Variants in PBX1 observed in about 807,000 individuals in gnomAD.
PBX1 encodes the protein PBX homeobox 1.
In PBX1, 6 loss-of-function variants were observed where a neutral mutation model predicts 53.4. The ratio of observed to expected loss-of-function variants is 0.11; its 90% CI spans 0.06 to 0.22. The LOEUF (loss-of-function observed/expected upper bound fraction) is 0.22. Ranked by LOEUF, PBX1 falls within the 10% of genes least tolerant of loss-of-function variation. The pLI, the probability that PBX1 is intolerant of heterozygous loss-of-function variation, is 1.00. For missense variants in PBX1, 251 were observed against 551.4 expected (o/e 0.46, Z 5.46); for synonymous variants, 204 against 212.3 (o/e 0.96, Z 0.34).
At chr1:164,711,978 C>T (rs1663811587) in intron 2 of PBX1, among the ~76,000 whole-genome samples, 1 of 151,934 alleles carries the variant, frequency 6.6e-6, no homozygotes, top group Non-Finnish European at 1.5e-5. Context: ...GTAGTGGTTC[C>T]CCTTTGCTGG....
intron 2 of PBX1, among the ~76,000 whole-genome samples, chr1:164,756,867 A>G (rs1005138376): frequency 2.6e-5 from 4 of 152,244 alleles, no homozygotes; most frequent in African/African-American, 7.2e-5. Flanking sequence ...CAAATATACA[A>G]TTCAAACAGT....
intron 2 of PBX1, among the ~76,000 whole-genome samples, chr1:164,705,821 TG>T (rs1473088927): frequency 6.6e-6 from 1 of 152,246 alleles, no homozygotes; most frequent in Non-Finnish European, 1.5e-5. Flanking sequence ...AAGGTTTTCA[TG>T]GTAGATACAT....
chr1:164,793,081 G>T lies in PBX1; in HGVS notation c.510+343G>T, dbSNP rs528328121. ...GTGCAGGCCTGGCTCTCATCCGGGC[G>T]CTATAGGTGATCAGCAGAGTCACCA... On this transcript the variant is annotated intron_variant, in intron 3 of 8. Transcript: ENST00000420696. Among the ~76,000 whole-genome samples, 5 of 152,316 alleles carry T rather than the reference G, an allele frequency of 3.3e-5. No homozygotes were observed. In the East Asian group the frequency reaches 9.6e-4, roughly 29 times the overall value.
chr1:164,693,332 G>C lies in PBX1; in HGVS notation c.266-99162G>C, dbSNP rs116793353. 9.1e-3 allele frequency among the ~76,000 whole-genome samples: 1,384 copies of C among 152,352 alleles called. 25 individuals carry two copies. The highest frequency in any genetic ancestry group is 0.032 in the African/African-American group (1,314 of 41,580). ...AGGGTGCCTGCTGAGGAATGAGGGA[G>C]CTATTACAATTATTATAATACCTGG... is the stretch of plus-strand genomic sequence containing the variant. On this transcript the variant is annotated intron_variant, in intron 2 of 8. Coordinates refer to ENST00000420696, the MANE Select transcript of PBX1 (RefSeq NM_002585.4).
At chr1:164,856,269 C>T (rs1296493821), downstream of PBX1, among the ~76,000 whole-genome samples, 1 of 152,138 alleles carries the variant, frequency 6.6e-6, no homozygotes, top group Non-Finnish European at 1.5e-5. Context: ...CAGAAACATT[C>T]CTTTCTGCCC....
chr1:164,603,687 C>CA (rs1656332357), intron 2 of PBX1, among the ~76,000 whole-genome samples: 2 of 152,224 alleles, frequency 1.3e-5, no homozygotes, highest in Admixed American at 1.3e-4. Context: ...CATTTCTACT[C>CA]AAATAGAATG....
intron 2 of PBX1, among the ~76,000 whole-genome samples, chr1:164,674,032 G>C (rs1017995466): frequency 1.3e-5 from 2 of 152,196 alleles, no homozygotes; most frequent in Non-Finnish European, 2.9e-5. Flanking sequence ...CAAGACGCCA[G>C]TACATACAGA....
At chr1:164,775,759 C>T (rs1253162744) in intron 2 of PBX1, among the ~76,000 whole-genome samples, 1 of 152,184 alleles carries the variant, frequency 6.6e-6, no homozygotes, top group Non-Finnish European at 1.5e-5. Flanking sequence ...TTAAGCCCTA[C>T]AAATGGCTAT....
At chr1:164,800,717 C>A (rs1334869424) in intron 4 of PBX1, among the ~76,000 whole-genome samples, 7 of 152,172 alleles carry the variant, frequency 4.6e-5, no homozygotes. Flanking sequence ...ATTCATCTAG[C>A]AAATACATTT....
At chr1:164,589,930 C>T (rs116802938) in intron 2 of PBX1, among the ~76,000 whole-genome samples, 2,087 of 152,244 alleles carry the variant, frequency 0.014, 18 homozygotes, top group Middle Eastern at 0.024. Flanking sequence ...TAAGAAAGGC[C>T]AGGTGCGGTG....
intron 2 of PBX1, among the ~76,000 whole-genome samples, chr1:164,782,076 T>C (rs1288393709): frequency 6.6e-6 from 1 of 152,224 alleles, no homozygotes; most frequent in Non-Finnish European, 1.5e-5. Flanking sequence ...AATACAAGTT[T>C]ATTTTTTCCC....
chr1:164,833,411 G>T (rs937488805), intron 8 of PBX1, among the ~76,000 whole-genome samples: 1 of 152,108 alleles, frequency 6.6e-6, no homozygotes, highest in African/African-American at 2.4e-5. Flanking sequence ...ATTGACCTTT[G>T]TTAGGGGCAA....
At chr1:164,780,684 A>G (rs77483613) in intron 2 of PBX1, among the ~76,000 whole-genome samples, 6,040 of 152,246 alleles carry the variant, frequency 0.04, 153 homozygotes, top group East Asian at 0.099. Context: ...GAAATGTCAC[A>G]CATCCCCGAA....
chr1:164,747,319 GTA>G (rs374220820), intron 2 of PBX1, among the ~76,000 whole-genome samples: 28 of 150,086 alleles, frequency 1.9e-4, no homozygotes, highest in Admixed American at 5.3e-4. Flanking sequence ...TATGAATCAT[GTA>G]TATATATATA....
Position 164,792,604 on chromosome 1 carries a change from TCGGCGG to T in PBX1, c.378_383del (p.Ala134_Ala135del). 6.2e-7 allele frequency: 1 copy of T among 1,612,628 alleles called. No homozygotes were observed. Among genetic ancestry groups the T allele is most frequent in the Non-Finnish European group, 8.5e-7 (1 of 1,179,646 alleles). On this transcript the variant is annotated inframe_deletion, in exon 3 of 9. Transcript: ENST00000420696. ...GGCGGGGCCTGAGAAGGGCGGAGGG[TCGGCGG>T]CAGCGGCGGCAGCGGCGGCGGCTTC... is the stretch of plus-strand genomic sequence containing the variant.
chr1:164,659,136 CAG>C (rs1660340758), intron 2 of PBX1, among the ~76,000 whole-genome samples: 1 of 152,182 alleles, frequency 6.6e-6, no homozygotes, highest in Non-Finnish European at 1.5e-5. Context: ...CACATGGACA[CAG>C]AGAGGGAATA....
At chr1:164,761,973 G>C (rs1356545612) in intron 2 of PBX1, among the ~76,000 whole-genome samples, 2 of 152,072 alleles carry the variant, frequency 1.3e-5, no homozygotes, top group Non-Finnish European at 2.9e-5. Context: ...TATTCTCTAA[G>C]ATTAATTGAT....
downstream of PBX1, among the ~76,000 whole-genome samples, chr1:164,855,475 A>AT (rs71767506): frequency 1.8e-4 from 28 of 151,810 alleles, no homozygotes; most frequent in African/African-American, 6.3e-4. Context: ...CTAGTATCCC[A>AT]TTTTTTTTCT....
chr1:164,806,826 G>T (rs1359338339), intron 4 of PBX1, among the ~76,000 whole-genome samples: 2 of 152,164 alleles, frequency 1.3e-5, no homozygotes, highest in Non-Finnish European at 2.9e-5. Context: ...CCACGTGTTG[G>T]GCGCTGTGCT....
Sources: gnomAD v4.1 joint callset for allele counts (sites outside exome capture counted in the v4.1 genomes callset) on GRCh38, gnomAD v4.1.1 for gene constraint, MANE v1.5 for transcripts, NCBI Gene and HGNC (gene_info 2026-07-23, HGNC 2026-07-21) for gene names.